The following ATP11A variants were observed in gnomAD, a reference collection of about 807,000 sequenced individuals.
ATP11A encodes the protein ATPase phospholipid transporting 11A.
ATP11A carries 81 observed loss-of-function variants against 154.4 expected under a neutral mutation model. The ratio of observed to expected loss-of-function variants is 0.52; its 90% CI spans 0.44 to 0.63. The LOEUF (loss-of-function observed/expected upper bound fraction) is 0.63. Ranked by LOEUF, ATP11A falls within the 30% of genes least tolerant of loss-of-function variation. The pLI is 0.00. For synonymous variants in ATP11A, 623 were observed against 585.9 expected, an observed-to-expected ratio of 1.06 and a Z score of -0.91; for missense variants, 1,316 against 1,474.3, an observed-to-expected ratio of 0.89 and a Z score of 1.76.
In ATP11A at chr13:112,832,932, G is replaced by C. The variant is rs1481915356; in HGVS notation, c.1468G>C (p.Asp490His). ...TVQVKDDDSV[D>H]GPRKSPDGGK... The stretch of plus-strand genomic sequence containing the variant: ...CCAGGTGAAAGACGATGACAGCGTA[G>C]ACGGCCCCAGGAAATCGCCGGACGG... The change falls in exon 14 of 30, where the codon GAC (aspartate) becomes CAC (histidine). Residue 490 changes from aspartate to histidine, a missense_variant. Physicochemically the swap from Asp to His is moderately conservative, Grantham distance 81. Coordinates refer to ENST00000375645, the MANE Select transcript of ATP11A (RefSeq NM_015205.3). 1 of 1,613,970 alleles carries C rather than the reference G, an allele frequency of 6.2e-7. No individual in the cohort carries two copies. The highest frequency in any genetic ancestry group is 8.5e-7 in the Non-Finnish European group (1 of 1,179,994).
At chr13:112,818,626 G>A (rs1431342149) in intron 6 of ATP11A, among the ~76,000 whole-genome samples, 1 of 152,218 alleles carries the variant, frequency 6.6e-6, no homozygotes, top group African/African-American at 2.4e-5. Flanking sequence ...CGACCTGCTG[G>A]TGCTCACAGA....
intron 12 of ATP11A, among the ~76,000 whole-genome samples, chr13:112,828,057 C>T (rs2140233597): frequency 6.9e-6 from 1 of 145,908 alleles, no homozygotes; most frequent in African/African-American, 2.6e-5. Context: ...TTTTCTGTAA[C>T]AAGGAAAGTG....
intron 4 of ATP11A, among the ~76,000 whole-genome samples, chr13:112,809,830 C>G (rs189547383): frequency 3.3e-5 from 5 of 152,200 alleles, no homozygotes; most frequent in Admixed American, 6.5e-5. Flanking sequence ...CTCCTATTGT[C>G]GCTTCTTTCA....
rs1020843832 is a variant in ATP11A, at chr13:112,847,374, A to G, written c.1810-3663A>G. 8.9e-4 allele frequency among the ~76,000 whole-genome samples: 135 copies of G among 152,282 alleles called. 1 individual carries two copies. The highest frequency in any genetic ancestry group is 2.5e-3 in the Admixed American group (38 of 15,292). Reference sequence around the variant, plus strand: ...ATTTGCCACCACTGTGTTTTTTTCTATAAGTTTTCTAGTTTTAGCTCTTAA... The same window carrying G: ...ATTTGCCACCACTGTGTTTTTTTCTGTAAGTTTTCTAGTTTTAGCTCTTAA... On this transcript the variant is annotated intron_variant, in intron 17 of 29. Coordinates refer to ENST00000375645, the MANE Select transcript of ATP11A (RefSeq NM_015205.3).
At chr13:112,796,005 T>C (rs1038987100) in intron 2 of ATP11A, among the ~76,000 whole-genome samples, 1 of 152,228 alleles carries the variant, frequency 6.6e-6, no homozygotes, top group African/African-American at 2.4e-5. Flanking sequence ...TTCGATAGAG[T>C]ACCTAAATTA....
intron 8 of ATP11A, among the ~76,000 whole-genome samples, chr13:112,821,407 G>A (rs913334755): frequency 5.3e-5 from 8 of 152,052 alleles, no homozygotes; most frequent in South Asian, 2.1e-4. Flanking sequence ...TCCACCTCCC[G>A]GGTTCAAGCA....
At chr13:112,766,072 T>C (rs1009665057) in intron 1 of ATP11A, among the ~76,000 whole-genome samples, 7 of 152,050 alleles carry the variant, frequency 4.6e-5, no homozygotes, top group African/African-American at 1.7e-4. Flanking sequence ...CGTTTTCCGA[T>C]GTGCCCACCT....
At chr13:112,770,852 C>T (rs11841922) in intron 1 of ATP11A, among the ~76,000 whole-genome samples, 24 of 152,182 alleles carry the variant, frequency 1.6e-4, no homozygotes, top group African/African-American at 5.3e-4. Context: ...GACCATCAAA[C>T]AAGAAACGTT....
intron 1 of ATP11A, among the ~76,000 whole-genome samples, chr13:112,779,086 T>G (rs2077427020): frequency 3.0e-5 from 3 of 101,016 alleles, no homozygotes; most frequent in Non-Finnish European, 5.7e-5. Flanking sequence ...GCCCCTGGAG[T>G]GAGGAGTAGC....
Position 112,826,791 on chromosome 13 carries a change from T to C in ATP11A, c.1121T>C (p.Leu374Pro). 6.2e-7 allele frequency: 1 copy of C among 1,614,198 alleles called. No individual in the cohort carries two copies. The highest frequency in any genetic ancestry group is 1.1e-5 in the South Asian group (1 of 91,088). The change falls in exon 12 of 30, where the codon CTC becomes CCC. Residue 374 changes from leucine (L) to proline (P), a missense_variant. By Grantham distance (98) the Leu-to-Pro change is moderately conservative. Coordinates refer to ENST00000375645, the MANE Select transcript of ATP11A (RefSeq NM_015205.3). ...GTCACGGTCGAGATGCAGAAGTTCC[T>C]CGGCTCTTACTTCATCACCTGGGAC... Reference protein sequence around the residue: ...MYVTVEMQKFLGSYFITWDED... With the variant: ...MYVTVEMQKFPGSYFITWDED...
intron 1 of ATP11A, among the ~76,000 whole-genome samples, chr13:112,735,985 C>T (rs1483691846): frequency 6.6e-6 from 1 of 152,224 alleles, no homozygotes; most frequent in Non-Finnish European, 1.5e-5. Flanking sequence ...AGAGCCTATG[C>T]AGAGCCTCCG....
chr13:112,706,111 C>T (rs1887115283), intron 1 of ATP11A, among the ~76,000 whole-genome samples: 2 of 152,028 alleles, frequency 1.3e-5, no homozygotes, highest in Admixed American at 1.3e-4. Context: ...TGAAAGAGAT[C>T]TTAACGGGTG....
intron 14 of ATP11A, among the ~76,000 whole-genome samples, chr13:112,833,345 T>C (rs2079148788): frequency 6.6e-6 from 1 of 152,196 alleles, no homozygotes; most frequent in Non-Finnish European, 1.5e-5. Context: ...ATCATTCTTT[T>C]AACACAAATC....
At chr13:112,706,155 G>A (rs1170754461) in intron 1 of ATP11A, among the ~76,000 whole-genome samples, 2 of 152,130 alleles carry the variant, frequency 1.3e-5, no homozygotes, top group African/African-American at 4.8e-5. Context: ...TGCTAGTTAC[G>A]TTTAAATGCA....
chr13:112,808,218 G>A (rs2078378910), intron 4 of ATP11A, among the ~76,000 whole-genome samples: 2 of 151,726 alleles, frequency 1.3e-5, no homozygotes, highest in African/African-American at 2.4e-5. Context: ...CCCTCCCATC[G>A]GCCTGGCTAT....
At chr13:112,869,029 C>T (rs1254959733) in intron 25 of ATP11A, among the ~76,000 whole-genome samples, 1 of 151,990 alleles carries the variant, frequency 6.6e-6, no homozygotes, top group African/African-American at 2.4e-5. Context: ...TCAGTCACCT[C>T]CCACCAGGCT....
At chr13:112,878,863 CAA>C (rs79195225) in intron 29 of ATP11A, among the ~76,000 whole-genome samples, 1,790 of 152,346 alleles carry the variant, frequency 0.012, 47 homozygotes, top group East Asian at 0.088. Flanking sequence ...CAACTGGAGA[CAA>C]AGAGGGGACG....
At chr13:112,760,654 A>T (rs1409513041) in intron 1 of ATP11A, among the ~76,000 whole-genome samples, 1 of 152,232 alleles carries the variant, frequency 6.6e-6, no homozygotes, top group Non-Finnish European at 1.5e-5. Context: ...AGGCTGGAAG[A>T]ACTTCCCATG....
intron 23 of ATP11A, 65 bp from the exon 24 acceptor site, chr13:112,860,222 C>T (rs762793894): frequency 6.9e-5 from 107 of 1,549,670 alleles, no homozygotes; most frequent in Admixed American, 3.7e-4. Flanking sequence ...TATATTTAAT[C>T]AAAAGATCCA....
Sources: gnomAD v4.1 joint callset for allele counts (sites outside exome capture counted in the v4.1 genomes callset) on GRCh38, gnomAD v4.1.1 for gene constraint, MANE v1.5 for transcripts, NCBI Gene and HGNC (gene_info 2026-07-23, HGNC 2026-07-21) for gene names.